ARHGAP26: variants seen among roughly 807,000 people sequenced by gnomAD.
ARHGAP26 encodes rho GTPase-activating protein 26.
In ARHGAP26, 38 loss-of-function variants were observed where a neutral mutation model predicts 104.8. The ratio of observed to expected loss-of-function variants is 0.36; its 90% CI spans 0.28 to 0.48. ARHGAP26 has a LOEUF of 0.48. ARHGAP26 is among the 20% of genes least tolerant of loss of function. The pLI, the probability that ARHGAP26 is intolerant of heterozygous loss-of-function variation, is 0.99. For synonymous variants in ARHGAP26, 341 were observed against 340.0 expected (o/e 1.00, Z -0.03); for missense variants, 704 against 947.9 (o/e 0.74, Z 3.38).
intron 1 of ARHGAP26, among the ~76,000 whole-genome samples, chr5:142,837,452 C>A (rs570300284): frequency 1.3e-5 from 2 of 152,184 alleles, no homozygotes; most frequent in African/African-American, 4.8e-5. Flanking sequence ...GTGAACACGT[C>A]ATTCGAACTT....
chr5:142,821,437 T>C lies in ARHGAP26; in HGVS notation c.154+50522T>C, dbSNP rs537466536. 4.0e-5 allele frequency among the ~76,000 whole-genome samples: 6 copies of C among 151,668 alleles called. No homozygotes were observed. The East Asian group carries it at 1.2e-3, about 30-fold the overall frequency. On this transcript the variant is annotated intron_variant, in intron 1 of 22. Coordinates refer to ENST00000645722, the MANE Select transcript of ARHGAP26 (RefSeq NM_001135608.3). ...ATTCCCATACCTGCAAGTGCACTCTTACATTTTTCTAGGTGGTAGAGTCCT... is the reference window on the plus strand; with the variant it reads ...ATTCCCATACCTGCAAGTGCACTCTCACATTTTTCTAGGTGGTAGAGTCCT...
At chr5:142,916,402 G>A (rs1316465555) in intron 10 of ARHGAP26, among the ~76,000 whole-genome samples, 1 of 152,164 alleles carries the variant, frequency 6.6e-6, no homozygotes, top group Non-Finnish European at 1.5e-5. Flanking sequence ...TGAAAACCAC[G>A]TGCACTCAGT....
intron 1 of ARHGAP26, among the ~76,000 whole-genome samples, chr5:142,809,123 TTTTA>T (rs1232602160): frequency 6.6e-6 from 1 of 152,232 alleles, no homozygotes; most frequent in Non-Finnish European, 1.5e-5. Flanking sequence ...TAGTGTTAAA[TTTTA>T]TACTGTAGAA....
At chr5:143,141,851 GTGT>G (rs1473595435) in intron 19 of ARHGAP26, among the ~76,000 whole-genome samples, 1 of 152,172 alleles carries the variant, frequency 6.6e-6, no homozygotes, top group African/African-American at 2.4e-5. Flanking sequence ...TTCTGAAATG[GTGT>G]TTTAGGGCCA....
intron 1 of ARHGAP26, among the ~76,000 whole-genome samples, chr5:142,828,760 G>C (rs1767807484): frequency 6.6e-6 from 1 of 152,078 alleles, no homozygotes; most frequent in African/African-American, 2.4e-5. Flanking sequence ...TGAGGGGTTG[G>C]CAACTCTCTC....
At chr5:143,132,862 A>T (rs150958830) in intron 18 of ARHGAP26, among the ~76,000 whole-genome samples, 3 of 71,472 alleles carry the variant, frequency 4.2e-5, no homozygotes, top group South Asian at 1.2e-3. Flanking sequence ...AATCTGGGGT[A>T]AAAAAAAAAA....
chr5:143,115,886 A>T (rs887855833), intron 17 of ARHGAP26, among the ~76,000 whole-genome samples: 1 of 152,166 alleles, frequency 6.6e-6, no homozygotes, highest in African/African-American at 2.4e-5. Flanking sequence ...TATTGTCCAA[A>T]TTTGCAAATT....
At chr5:142,858,114 AGT>A (rs72141550) in intron 1 of ARHGAP26, among the ~76,000 whole-genome samples, 15,463 of 140,728 alleles carry the variant, frequency 0.11, 1,630 homozygotes, top group East Asian at 0.5. Flanking sequence ...AGAGAGAGGG[AGT>A]GTGTGTGTGT....
rs1760278051 is a variant in ARHGAP26, at chr5:142,793,313, T to C, written c.154+22398T>C. On this transcript the variant is annotated intron_variant, in intron 1 of 22. Transcript: ENST00000645722. ...TTAGAGGCTTGAGGGGTCGTAGCTT[T>C]GGTAGGAGGTGATGAAGCATGCTAG... Among the ~76,000 whole-genome samples the C allele has an allele frequency of 4.0e-5, 6 of 149,606 alleles. No individual in the cohort carries two copies. The South Asian group carries it at 1.1e-3, about 27-fold the overall frequency.
At chr5:142,991,903 C>G (rs993483194) in intron 11 of ARHGAP26, among the ~76,000 whole-genome samples, 1 of 152,178 alleles carries the variant, frequency 6.6e-6, no homozygotes, top group Admixed American at 6.5e-5. Context: ...TTGAAGCTTG[C>G]TCTTCATGAA....
At chr5:142,900,038 A>G (rs1378456447) in intron 6 of ARHGAP26, among the ~76,000 whole-genome samples, 2 of 152,130 alleles carry the variant, frequency 1.3e-5, no homozygotes, top group Non-Finnish European at 2.9e-5. Flanking sequence ...CGTTATTCTC[A>G]AGTCAGGGGT....
intron 3 of ARHGAP26, 62 bp downstream of exon 3, chr5:142,875,233 T>G: frequency 6.7e-7 from 1 of 1,498,446 alleles, no homozygotes; most frequent in Non-Finnish European, 9.3e-7. Context: ...GAGCAAGGGA[T>G]GGGTATCAGA....
At chr5:142,943,683 T>C (rs1341015617) in intron 11 of ARHGAP26, among the ~76,000 whole-genome samples, 4 of 152,228 alleles carry the variant, frequency 2.6e-5, no homozygotes, top group Non-Finnish European at 5.9e-5. Flanking sequence ...CCACTGTTCA[T>C]TATTCTAACT....
intron 11 of ARHGAP26, among the ~76,000 whole-genome samples, chr5:142,966,590 A>T (rs186178223): frequency 6.6e-6 from 1 of 152,354 alleles, no homozygotes; most frequent in Admixed American, 6.5e-5. Flanking sequence ...ATAGCCATGA[A>T]AGACTTTGTT....
At chr5:143,095,290 T>C (rs1321631345) in intron 17 of ARHGAP26, among the ~76,000 whole-genome samples, 1 of 152,128 alleles carries the variant, frequency 6.6e-6, no homozygotes, top group Non-Finnish European at 1.5e-5. Flanking sequence ...TTGACAGTAT[T>C]ATGCAACCAT....
intron 11 of ARHGAP26, among the ~76,000 whole-genome samples, chr5:143,005,652 A>G (rs1449425784): frequency 1.3e-5 from 2 of 152,216 alleles, no homozygotes; most frequent in Non-Finnish European, 2.9e-5. Flanking sequence ...GAATAATACT[A>G]AGAGATAAGT....
At chr5:143,019,040 T>A (rs1779951107) in intron 12 of ARHGAP26, among the ~76,000 whole-genome samples, 1 of 152,208 alleles carries the variant, frequency 6.6e-6, no homozygotes, top group Non-Finnish European at 1.5e-5. Context: ...TCGTGTGTGC[T>A]CCTGGTCAAG....
chr5:142,799,845 T>A (rs1314113213), intron 1 of ARHGAP26, among the ~76,000 whole-genome samples: 3 of 152,230 alleles, frequency 2.0e-5, no homozygotes, highest in Non-Finnish European at 4.4e-5. Context: ...CCTCATCACC[T>A]CTTAAAGGTC....
At chr5:142,974,883 AG>A (rs1309951536) in intron 11 of ARHGAP26, among the ~76,000 whole-genome samples, 1 of 151,948 alleles carries the variant, frequency 6.6e-6, no homozygotes, top group Non-Finnish European at 1.5e-5. Context: ...CCATTTTGCT[AG>A]CCTCCCTTGT....
Sources: allele counts gnomAD v4.1 joint callset (sites outside exome capture counted in the v4.1 genomes callset), GRCh38; gene constraint gnomAD v4.1.1; transcripts MANE v1.5; gene names NCBI Gene and HGNC (gene_info 2026-07-23, HGNC 2026-07-21).